Variants in PLCE1 observed in about 807,000 individuals in gnomAD.
The protein encoded by PLCE1 is 1-phosphatidylinositol 4,5-bisphosphate phosphodiesterase epsilon-1.
In PLCE1, 119 loss-of-function variants were observed where a neutral mutation model predicts 242.8. That is an observed-to-expected ratio of 0.49 (90% CI 0.42 to 0.57). The LOEUF (loss-of-function observed/expected upper bound fraction) is 0.57. Among genes scored for constraint, PLCE1 ranks in the 20% least tolerant of loss-of-function variants. The pLI, the probability that PLCE1 is intolerant of heterozygous loss-of-function variation, is 0.00. For missense variants in PLCE1, 2,441 were observed against 2,788.8 expected (o/e 0.88, Z 2.81); for synonymous variants, 945 against 1,017.4 (o/e 0.93, Z 1.35).
intron 5 of PLCE1, among the ~76,000 whole-genome samples, chr10:94,229,883 G>A (rs2050083688): frequency 6.6e-6 from 1 of 152,146 alleles, no homozygotes; most frequent in Non-Finnish European, 1.5e-5. Flanking sequence ...AAAGTACCAC[G>A]TATAATAGGT....
chr10:94,034,418 A>G (rs545588494), intron 2 of PLCE1, among the ~76,000 whole-genome samples: 3 of 152,192 alleles, frequency 2.0e-5, no homozygotes, highest in African/African-American at 7.2e-5. Context: ...TAACACTTTT[A>G]TTGCTAAGCA....
At position 94,279,892 on chromosome 10, in the gene PLCE1, C is replaced by T. The variant is rs368339379; in HGVS notation, c.4776C>T (p.Asp1592=). The change falls in exon 20 of 33, where the codon GAC becomes GAT. Residue 1592 remains aspartate (D), a synonymous_variant. Coordinates refer to ENST00000371380, the MANE Select transcript of PLCE1 (RefSeq NM_016341.4). ...EEDEEDEYDY[D]YESLSDDNIL... The stretch of plus-strand genomic sequence containing the variant: ...ATGAGGAGGACGAATATGATTATGA[C>T]TATGAATCCCTTTCTGATGGTAAGA... The T allele has an allele frequency of 1.2e-4, 196 of 1,613,538 alleles. No homozygotes were observed. The highest frequency in any genetic ancestry group is 1.5e-4 in the Non-Finnish European group (181 of 1,179,708).
intron 19 of PLCE1, among the ~76,000 whole-genome samples, chr10:94,277,582 T>C (rs1441066104): frequency 6.6e-6 from 1 of 152,148 alleles, no homozygotes; most frequent in African/African-American, 2.4e-5. Flanking sequence ...GTTCTCATGC[T>C]TCCCTGCCAG....
At chr10:94,313,491 A>G (rs1004168862) in intron 28 of PLCE1, 109 bp downstream of exon 28, 8 of 1,259,278 alleles carry the variant, frequency 6.4e-6, no homozygotes, top group Non-Finnish European at 9.3e-6. Context: ...ATGAATGCGC[A>G]AAAGTCCATG....
intron 2 of PLCE1, among the ~76,000 whole-genome samples, chr10:94,117,046 G>C (rs1255884937): frequency 6.6e-6 from 1 of 152,166 alleles, no homozygotes; most frequent in African/African-American, 2.4e-5. Context: ...AAGCAAGGTT[G>C]AGTCATCTGA....
At chr10:94,074,931 A>G (rs1011544300) in intron 2 of PLCE1, among the ~76,000 whole-genome samples, 10 of 152,174 alleles carry the variant, frequency 6.6e-5, no homozygotes, top group Non-Finnish European at 2.9e-5. Context: ...CCTCAACTGG[A>G]CAATTTATGC....
chr10:94,149,308 C>T (rs889146299), intron 3 of PLCE1, among the ~76,000 whole-genome samples: 1 of 152,200 alleles, frequency 6.6e-6, no homozygotes, highest in East Asian at 1.9e-4. Context: ...TTGAATCAGT[C>T]TTTGAGCCTT....
intron 32 of PLCE1, 51 bp from the exon 33 acceptor site, chr10:94,327,917 C>CA: frequency 2.0e-6 from 1 of 511,378 alleles, no homozygotes; most frequent in Non-Finnish European, 4.0e-6. Flanking sequence ...GCAAGTGTTT[C>CA]TGTTTCTTCA....
chr10:94,060,230 C>T lies in PLCE1; in HGVS notation c.1206+27978C>T, dbSNP rs147490292. Among the ~76,000 whole-genome samples the T allele has an allele frequency of 1.5e-4, 23 of 151,918 alleles. No individual in the cohort carries two copies. The East Asian group carries it at 4.5e-3, about 29-fold the overall frequency. ...AAGCTGTGTAATGGAAATACTCATGCTACTTATTTCATTATGTGTTCTAAG... is the reference window on the plus strand; with the variant it reads ...AAGCTGTGTAATGGAAATACTCATGTTACTTATTTCATTATGTGTTCTAAG... On this transcript the variant is annotated intron_variant, in intron 2 of 32. Coordinates refer to ENST00000371380, the MANE Select transcript of PLCE1 (RefSeq NM_016341.4).
chr10:94,090,409 A>G (rs1384172453), intron 2 of PLCE1, among the ~76,000 whole-genome samples: 3 of 152,184 alleles, frequency 2.0e-5, no homozygotes, highest in Admixed American at 6.5e-5. Context: ...TCCTTCTACA[A>G]CCCTGAGAGA....
chr10:94,178,338 T>C (rs1319680058), intron 4 of PLCE1, among the ~76,000 whole-genome samples: 1 of 152,104 alleles, frequency 6.6e-6, no homozygotes, highest in African/African-American at 2.4e-5. Context: ...GAGTCCTAGA[T>C]TGAGACCCCC....
intron 2 of PLCE1, chr10:94,107,465 A>G (rs1379704366): frequency 6.6e-6 from 1 of 152,222 alleles, no homozygotes; most frequent in Non-Finnish European, 1.5e-5. Context: ...GAAGTCATAA[A>G]TAGTTCTAGT....
At chr10:94,260,920 A>T (rs985451629) in intron 13 of PLCE1, among the ~76,000 whole-genome samples, 1 of 152,158 alleles carries the variant, frequency 6.6e-6, no homozygotes, top group Non-Finnish European at 1.5e-5. Context: ...TCCCACACAG[A>T]CTTTCTTCTG....
intron 3 of PLCE1, among the ~76,000 whole-genome samples, chr10:94,162,137 C>A (rs1346024495): frequency 6.6e-6 from 1 of 152,116 alleles, no homozygotes; most frequent in Non-Finnish European, 1.5e-5. Context: ...TGTGTCTCTG[C>A]CAGGCTTTGG....
rs571983103 is a variant in PLCE1 at position 94,185,190 on chromosome 10, G to A, written c.1809+13694G>A. 5.3e-5 allele frequency among the ~76,000 whole-genome samples: 8 copies of A among 152,360 alleles called. No homozygotes were observed. The East Asian group carries it at 1.4e-3, about 26-fold the overall frequency. On this transcript the variant is annotated intron_variant, in intron 4 of 32. Transcript: ENST00000371380. Reference sequence around the variant, plus strand: ...CATGAGTTAGTAGAAAGAGGAAAGAGTATAATTCCATCATTAAGTTTGGGC... The same window carrying A: ...CATGAGTTAGTAGAAAGAGGAAAGAATATAATTCCATCATTAAGTTTGGGC...
chr10:94,258,792 T>C lies in PLCE1; in HGVS notation c.3555-8T>C, dbSNP rs777366577. 38 of 1,613,944 alleles carry C rather than the reference T, an allele frequency of 2.4e-5. No homozygotes were observed. Among genetic ancestry groups the C allele is most frequent in the Non-Finnish European group, 3.1e-5 (36 of 1,179,964 alleles). ...CTTGTGCCCATGAAGGCCTTGTCTT[T>C]GTTGCAGTGCTTGGAGCAGTAGTAG... is the stretch of plus-strand genomic sequence containing the variant. On this transcript the variant is annotated splice_region_variant and splice_polypyrimidine_tract_variant and intron_variant, in intron 11 of 32. Coordinates refer to ENST00000371380, the MANE Select transcript of PLCE1 (RefSeq NM_016341.4).
rs779821227 is a variant in PLCE1, at chr10:94,252,278, A to G, written c.3097-38A>G. 7 of 1,591,082 alleles carry G rather than the reference A, an allele frequency of 4.4e-6. No homozygotes were observed. In the Admixed American group the frequency reaches 1.2e-4, roughly 27 times the overall value. ...AATATATTTACTTCCCCATTGCTTG[A>G]TGCTTCCTATTGTGTTCACCATGTG... On this transcript the variant is annotated intron_variant, in intron 8 of 32. Transcript: ENST00000371380.
chr10:94,085,791 G>C (rs928853528), intron 2 of PLCE1, among the ~76,000 whole-genome samples: 1 of 152,222 alleles, frequency 6.6e-6, no homozygotes, highest in Non-Finnish European at 1.5e-5. Flanking sequence ...GTAGTAGCCT[G>C]TCACGAGCAG....
intron 4 of PLCE1, among the ~76,000 whole-genome samples, chr10:94,224,372 C>A (rs1385694722): frequency 1.3e-5 from 2 of 152,284 alleles, no homozygotes; most frequent in Non-Finnish European, 2.9e-5. Flanking sequence ...CCCTGTGAAG[C>A]AGACCTCTCC....
Sources: gnomAD v4.1 joint callset for allele counts (sites outside exome capture counted in the v4.1 genomes callset) on GRCh38, gnomAD v4.1.1 for gene constraint, MANE v1.5 for transcripts, NCBI Gene and HGNC (gene_info 2026-07-23, HGNC 2026-07-21) for gene names.